The following KEL variants were observed in gnomAD, a reference collection of about 807,000 sequenced individuals.
KEL encodes the protein kell blood group glycoprotein.
A neutral mutation model predicts 99.5 loss-of-function variants in KEL; 96 were observed. That is an observed-to-expected ratio of 0.97 (90% CI 0.82 to 1.14). KEL has a LOEUF of 1.14. Ranked by LOEUF, KEL falls within the 50% of genes most tolerant of loss-of-function variation. KEL has a pLI of 0.00. For synonymous variants in KEL, 355 were observed against 354.8 expected (o/e 1.00, Z -0.01); for missense variants, 926 against 924.2 (o/e 1.00, Z -0.03).
At chr7:142,954,738 A>G (rs1343257649) in intron 6 of KEL, among the ~76,000 whole-genome samples, 1 of 152,138 alleles carries the variant, frequency 6.6e-6, no homozygotes, top group Admixed American at 6.5e-5. Context: ...AGAGATGGTG[A>G]GTATTACAAC....
At chr7:142,961,257 C>T in intron 3 of KEL, 103 bp downstream of exon 3, 1 of 1,568,682 alleles carries the variant, frequency 6.4e-7, no homozygotes, top group Non-Finnish European at 8.8e-7. Flanking sequence ...CCATGGGGAC[C>T]CCAAGGGTCA....
At chr7:142,957,739 C>T in intron 6 of KEL, 88 bp downstream of exon 6, 3 of 1,542,842 alleles carry the variant, frequency 1.9e-6, no homozygotes, top group South Asian at 1.1e-5. Context: ...GTCCTCTCTT[C>T]CCAACCTGCA....
At chr7:142,952,485 A>G (rs759736982) in intron 10 of KEL, 24 bp downstream of exon 10, 1 of 1,613,200 alleles carries the variant, frequency 6.2e-7, no homozygotes, top group Non-Finnish European at 8.5e-7. Flanking sequence ...GTATCTGGGC[A>G]AATACACCCG....
intron 4 of KEL, among the ~76,000 whole-genome samples, chr7:142,959,683 C>G (rs1214990451): frequency 6.6e-6 from 1 of 152,196 alleles, no homozygotes; most frequent in Non-Finnish European, 1.5e-5. Context: ...AACAAACACA[C>G]TACAATAATC....
intron 2 of KEL, 143 bp downstream of exon 2, chr7:142,961,647 TTTAAC>T (rs1270316961): frequency 1.5e-6 from 2 of 1,317,938 alleles, no homozygotes; most frequent in Non-Finnish European, 2.2e-6. Flanking sequence ...CCAGCCCTAC[TTTAAC>T]TCCTGGGAGA....
chr7:142,942,464 G>C lies in KEL; in HGVS notation c.2007C>G (p.Pro669=). 1 of 1,607,258 alleles carries C rather than the reference G, an allele frequency of 6.2e-7. No individual in the cohort carries two copies. The highest frequency in any genetic ancestry group is 8.5e-7 in the Non-Finnish European group (1 of 1,176,774). Residue 669 remains proline, a synonymous_variant, in exon 18 of 19, where the codon CCC becomes CCG. Coordinates refer to ENST00000355265, the MANE Select transcript of KEL (RefSeq NM_000420.3). ...ETVLPSLDLS[P]QQIFFRSYAQ... is the part of the protein sequence containing the mutation. The stretch of plus-strand genomic sequence containing the variant: ...CATAGCTTCGAAAGAAGATCTGCTG[G>C]GGGCTGAGGTCCAGGCTGGGCAGGA...
At chr7:142,959,719 AC>A (rs2116684882) in intron 4 of KEL, among the ~76,000 whole-genome samples, 1 of 152,116 alleles carries the variant, frequency 6.6e-6, no homozygotes, top group South Asian at 2.1e-4. Context: ...TGAATCATCC[AC>A]CCTCTAATAT....
chr7:142,949,928 A>G (rs1015125144), intron 10 of KEL, among the ~76,000 whole-genome samples: 1 of 152,262 alleles, frequency 6.6e-6, no homozygotes, highest in Admixed American at 6.5e-5. Context: ...TTCATTGACT[A>G]TAACTCTATT....
At chr7:142,956,339 AC>A (rs1295840829) in intron 6 of KEL, among the ~76,000 whole-genome samples, 1 of 151,520 alleles carries the variant, frequency 6.6e-6, no homozygotes, top group Non-Finnish European at 1.5e-5. Context: ...TTTCCTCAAC[AC>A]CCCCAGACTG....
At chr7:142,958,938 T>A (rs1796894017) in intron 4 of KEL, among the ~76,000 whole-genome samples, 1 of 152,190 alleles carries the variant, frequency 6.6e-6, no homozygotes, top group South Asian at 2.1e-4. Context: ...AATGTTTAAA[T>A]TCACCTGTAC....
chr7:142,943,202 C>T (rs1192974994), intron 16 of KEL, 74 bp downstream of exon 16: 2 of 1,574,212 alleles, frequency 1.3e-6, no homozygotes, highest in Non-Finnish European at 1.7e-6. Flanking sequence ...ACCTCCCTTT[C>T]CCCTCCAGGC....
At chr7:142,958,120 CTG>C in intron 5 of KEL, 147 bp from the exon 6 acceptor site, 1 of 1,299,670 alleles carries the variant, frequency 7.7e-7, no homozygotes, top group Non-Finnish European at 1.1e-6. Context: ...CCTTTTTTAT[CTG>C]CCTTCTCCCA....
At position 142,942,507 on chromosome 7, in the gene KEL, C is replaced by T. The variant is rs1485312387; in HGVS notation, c.1964G>A (p.Arg655Gln). The T allele has an allele frequency of 6.8e-6, 11 of 1,609,486 alleles. No homozygotes were observed. In the East Asian group the frequency reaches 8.9e-5, roughly 13 times the overall value. The change falls in exon 18 of 19, where the codon CGG becomes CAG. Residue 655 changes from arginine to glutamine, a missense_variant. Physicochemically the swap from Arg to Gln is conservative, Grantham distance 43. Transcript: ENST00000355265. The stretch of plus-strand genomic sequence containing the variant: ...GGGCAGGACAGTCTCCCCATGGTGC[C>T]GTAACAGCCTCTTGCTGTATGCCTG... ...ALQAYSKRLLRHHGETVLPSL... is the reference protein window; with the variant it reads ...ALQAYSKRLLQHHGETVLPSL...
chr7:142,961,630 C>T, intron 2 of KEL, 129 bp from the exon 3 acceptor site: 1 of 1,368,330 alleles, frequency 7.3e-7, no homozygotes, highest in Non-Finnish European at 1.0e-6. Context: ...CCCAATTCTT[C>T]CTAAACCCAG....
intron 6 of KEL, among the ~76,000 whole-genome samples, chr7:142,957,030 G>C (rs889115852): frequency 3.3e-5 from 5 of 152,138 alleles, no homozygotes; most frequent in Admixed American, 1.3e-4. Flanking sequence ...GAGAAACAAA[G>C]GTGAATAAAG....
At chr7:142,956,919 G>A (rs553012932) in intron 6 of KEL, among the ~76,000 whole-genome samples, 2 of 152,234 alleles carry the variant, frequency 1.3e-5, no homozygotes, top group South Asian at 4.1e-4. Flanking sequence ...GCATTACATT[G>A]TTTAACCACA....
intron 3 of KEL, 21 bp from the exon 4 acceptor site, chr7:142,961,125 C>T: frequency 3.1e-6 from 5 of 1,612,708 alleles, no homozygotes; most frequent in Non-Finnish European, 4.2e-6. Flanking sequence ...AAGCTCAGAG[C>T]TGGGAAAGAA....
chr7:142,961,458 C>T lies in KEL; in HGVS notation c.125G>A (p.Trp42Ter), dbSNP rs1396956373. The T allele has an allele frequency of 1.2e-6, 2 of 1,611,252 alleles. No homozygotes were observed. The change falls in exon 3 of 19, where the codon TGG (tryptophan) becomes TAG (stop). Residue 42 changes from tryptophan (W) to a stop codon, truncating the protein, a stop_gained. Coordinates refer to ENST00000355265, the MANE Select transcript of KEL (RefSeq NM_000420.3). LOFTEE classifies it high-confidence loss of function. ...TGTCAGCACCCGCCTGGCCACTGCC[C>T]ATGGCCTGCTCCCTTCCACGGGCAG... ...ERLPVEGSRP[W>*]AVARRVLTAI...
At chr7:142,942,154 A>G in intron 18 of KEL, 3 of 518,164 alleles carry the variant, frequency 5.8e-6, no homozygotes, top group Non-Finnish European at 1.0e-5. Context: ...TATGAGAGGA[A>G]AAAAAAGTTG....
Sources: gnomAD v4.1 joint callset for allele counts (sites outside exome capture counted in the v4.1 genomes callset) on GRCh38, gnomAD v4.1.1 for gene constraint, MANE v1.5 for transcripts, NCBI Gene and HGNC (gene_info 2026-07-23, HGNC 2026-07-21) for gene names.